Variants in WNT2B observed in about 807,000 individuals in gnomAD.
The protein encoded by WNT2B is protein Wnt-2b.
Under a neutral mutation model 40.5 loss-of-function variants are expected in WNT2B, and 19 were observed. That is an observed-to-expected ratio of 0.47 (90% CI 0.33 to 0.69). The LOEUF is 0.69. WNT2B is among the 30% of genes least tolerant of loss of function. The pLI, the probability that WNT2B is intolerant of heterozygous loss-of-function variation, is 0.02. For missense variants in WNT2B, 467 were observed against 556.4 expected (o/e 0.84, Z 1.62); for synonymous variants, 220 against 211.9 (o/e 1.04, Z -0.33).
At chr1:112,510,332 C>T (rs975688053) in intron 1 of WNT2B, among the ~76,000 whole-genome samples, 5 of 152,202 alleles carry the variant, frequency 3.3e-5, no homozygotes, top group African/African-American at 1.2e-4. Context: ...CCCTTCTTCC[C>T]CACCATGGGG....
chr1:112,509,203 C>A lies in WNT2B; in HGVS notation c.-60C>A. On this transcript the variant is annotated 5_prime_UTR_variant, in exon 1 of 5. Coordinates refer to ENST00000369684, the MANE Select transcript of WNT2B (RefSeq NM_024494.3). The surrounding 1 kb of genome is among the most constrained non-coding windows in gnomAD (Gnocchi z 4.2). ...GGTGAGGTAGGAGCAGCCTGAGTACCCCCAGAAGGTGCCCCGTCCACGCCC... is the reference window on the plus strand; with the variant it reads ...GGTGAGGTAGGAGCAGCCTGAGTACACCCAGAAGGTGCCCCGTCCACGCCC... 1 of 1,441,182 alleles carries A rather than the reference C, an allele frequency of 6.9e-7. No homozygotes were observed. The allele number at this position is 1,441,182 out of a possible 1,614,324, so 89.3% of individuals were successfully genotyped here. A position where few individuals can be genotyped will look rare whatever the true frequency, so the allele number is the denominator to read the frequency against.
intron 1 of WNT2B, among the ~76,000 whole-genome samples, chr1:112,474,092 A>G (rs994676368): frequency 6.6e-6 from 1 of 151,752 alleles, no homozygotes. Context: ...AGAAAGAAAA[A>G]GAAAAAGAAA....
At position 112,526,251 on chromosome 1, in the gene WNT2B, T is replaced by C. The variant is rs1570820680; in HGVS notation, c.*5742T>C. The C allele has an allele frequency of 9.1e-7, 1 of 1,096,890 alleles. No individual in the cohort carries two copies. 67.9% of individuals were successfully genotyped at this position (1,096,890 alleles called of 1,614,324 possible). ...ATCAACCAATGGCTCTTTTGCCATT[T>C]CTGCCACTATTACCACCAGTACCAT... On this transcript the variant is annotated 3_prime_UTR_variant, in exon 5 of 5. Coordinates refer to ENST00000369684, the MANE Select transcript of WNT2B (RefSeq NM_024494.3).
intron 1 of WNT2B, among the ~76,000 whole-genome samples, chr1:112,469,935 T>A (rs928065159): frequency 1.8e-4 from 27 of 152,190 alleles, no homozygotes; most frequent in Admixed American, 6.5e-4. Flanking sequence ...TCTTGTACTA[T>A]GTCTTCAAAA....
intron 1 of WNT2B, among the ~76,000 whole-genome samples, chr1:112,495,984 G>A (rs1651754930): frequency 6.6e-6 from 1 of 152,020 alleles, no homozygotes; most frequent in Non-Finnish European, 1.5e-5. Context: ...CTTATATAAG[G>A]GCATCTAATC....
intron 1 of WNT2B, among the ~76,000 whole-genome samples, chr1:112,513,457 G>A (rs1402707513): frequency 3.9e-5 from 6 of 151,968 alleles, no homozygotes; most frequent in African/African-American, 1.2e-4. Context: ...TTCCCGAAGA[G>A]GCAAGCATCA....
chr1:112,475,635 A>G (rs1651032701), intron 1 of WNT2B, among the ~76,000 whole-genome samples: 1 of 152,174 alleles, frequency 6.6e-6, no homozygotes, highest in Admixed American at 6.5e-5. Context: ...ACATGAAGCT[A>G]GACCACAATA....
At chr1:112,495,414 A>G (rs893327443) in intron 1 of WNT2B, among the ~76,000 whole-genome samples, 8 of 151,882 alleles carry the variant, frequency 5.3e-5, no homozygotes, top group African/African-American at 1.9e-4. Context: ...CGTCTCTACT[A>G]AAAATACAAA....
chr1:112,509,392 C>G lies in WNT2B; in HGVS notation c.130C>G (p.Leu44Val). The change falls in exon 1 of 5, where the codon CTT becomes GTT. Residue 44 changes from leucine (L) to valine (V), a missense_variant. Physicochemically the swap from Leu to Val is conservative, Grantham distance 32. Transcript: ENST00000369684. The surrounding 1 kb of genome is among the most constrained non-coding windows in gnomAD (Gnocchi z 4.2). ...TTCGGCCCGCCTAGGTCTTGCCTGC[C>G]TTCTGCTCCTGCTGCTGCTGACGCT... ...RASARLGLAC[L>V]LLLLLLTLPA... The G allele has an allele frequency of 6.3e-7, 1 of 1,596,622 alleles. No individual in the cohort carries two copies. The highest frequency in any genetic ancestry group is 8.5e-7 in the Non-Finnish European group (1 of 1,177,256).
Position 112,523,409 on chromosome 1 carries a change from A to G in WNT2B, c.*2900A>G, listed in dbSNP as rs1652988464. 1 of 152,212 alleles carries G rather than the reference A, an allele frequency of 6.6e-6. No individual in the cohort carries two copies. The highest frequency in any genetic ancestry group is 2.4e-5 in the African/African-American group (1 of 41,454). The allele number at this position is 152,212 out of a possible 1,614,324, so 9.4% of individuals were successfully genotyped here. ...CGGAGGTTATGTGGTCCCAAAAGGA[A>G]TGATGGCCAAGCAATTAATTTTTCC... On this transcript the variant is annotated 3_prime_UTR_variant, in exon 5 of 5. Transcript: ENST00000369684.
intron 1 of WNT2B, among the ~76,000 whole-genome samples, chr1:112,478,076 A>T (rs558249803): frequency 2.0e-5 from 3 of 152,150 alleles, no homozygotes; most frequent in African/African-American, 7.2e-5. Context: ...TGTACAAAAA[A>T]TGTAAAAATT....
intron 1 of WNT2B, among the ~76,000 whole-genome samples, chr1:112,513,779 G>A (rs1293332497): frequency 1.3e-5 from 2 of 152,220 alleles, no homozygotes; most frequent in Non-Finnish European, 2.9e-5. Context: ...GTTCTGGACA[G>A]GAGAATAAAA....
Position 112,509,422 on chromosome 1 carries a change from G to A in WNT2B, c.160G>A (p.Ala54Thr), listed in dbSNP as rs1652263022. The A allele has an allele frequency of 1.9e-6, 3 of 1,592,790 alleles. No homozygotes were observed. In the Admixed American group the frequency reaches 5.1e-5, roughly 27 times the overall value. Residue 54 changes from alanine to threonine, a missense_variant, in exon 1 of 5, where the codon GCC becomes ACC. By Grantham distance (58) the Ala-to-Thr change is moderately conservative. Coordinates refer to ENST00000369684, the MANE Select transcript of WNT2B (RefSeq NM_024494.3). The surrounding 1 kb of genome is among the most constrained non-coding windows in gnomAD (Gnocchi z 4.2). ...LLLLLLLTLP[A>T]RVDTSWWYIG... is the part of the protein sequence containing the mutation. ...GCTCCTGCTGCTGCTGACGCTGCCG[G>A]CCCGCGTAGACACGTCCTGGTGGTA... is the stretch of plus-strand genomic sequence containing the variant.
chr1:112,470,586 C>CTAAA (rs1457566645), intron 1 of WNT2B, among the ~76,000 whole-genome samples: 1 of 152,008 alleles, frequency 6.6e-6, no homozygotes. Context: ...AGACTCGTCT[C>CTAAA]TAAATAAATA....
intron 1 of WNT2B, among the ~76,000 whole-genome samples, chr1:112,494,373 A>AT (rs1002498902): frequency 7.3e-5 from 11 of 151,060 alleles, no homozygotes; most frequent in African/African-American, 2.5e-4. Flanking sequence ...AGCGGAGAAA[A>AT]ATATATATAT....
At chr1:112,508,384 G>C (rs993448211), upstream of WNT2B, among the ~76,000 whole-genome samples, 7 of 151,272 alleles carry the variant, frequency 4.6e-5, no homozygotes, top group Admixed American at 2.0e-4. The surrounding 1 kb of genome is among the most constrained non-coding windows in gnomAD (Gnocchi z 4.2). Flanking sequence ...GTGATGCATT[G>C]GGGGTGGGGG....
Position 112,509,150 on chromosome 1 carries a change from G to T in WNT2B, c.-113G>T. The T allele has an allele frequency of 1.5e-6, 2 of 1,375,642 alleles. No individual in the cohort carries two copies. Among genetic ancestry groups the T allele is most frequent in the Non-Finnish European group, 1.9e-6 (2 of 1,073,450 alleles). The allele number at this position is 1,375,642 out of a possible 1,614,324, so 85.2% of individuals were successfully genotyped here. A position where few individuals can be genotyped will look rare whatever the true frequency, so the allele number is the denominator to read the frequency against. On this transcript the variant is annotated 5_prime_UTR_variant, in exon 1 of 5. Transcript: ENST00000369684. This position sits in a 1 kb window ranked among gnomAD's most constrained non-coding sequence, Gnocchi z 4.2. ...CCCAGGTGATCCTAGGTCCCCAGCC[G>T]CCGGCGAACACCATGGCCCCCCAGG... is the stretch of plus-strand genomic sequence containing the variant.
chr1:112,486,268 C>A (rs981737403), intron 1 of WNT2B, among the ~76,000 whole-genome samples: 3 of 151,966 alleles, frequency 2.0e-5, no homozygotes, highest in South Asian at 4.2e-4. Flanking sequence ...CATAGCGAGA[C>A]CCCATCTCTA....
intron 1 of WNT2B, among the ~76,000 whole-genome samples, chr1:112,487,847 T>A (rs1173857799): frequency 2.1e-5 from 3 of 145,036 alleles, no homozygotes; most frequent in Non-Finnish European, 4.5e-5. Context: ...GGCACAAGAA[T>A]TGCTTGAACC....
Sources: gnomAD v4.1 joint callset for allele counts (sites outside exome capture counted in the v4.1 genomes callset) on GRCh38, gnomAD v4.1.1 for gene constraint, Gnocchi (gnomAD v3.1) non-coding constraint, MANE v1.5 for transcripts, NCBI Gene and HGNC (gene_info 2026-07-23, HGNC 2026-07-21) for gene names.